ZCCHC17: variants seen among roughly 807,000 people sequenced by gnomAD.
ZCCHC17 encodes zinc finger CCHC-type containing 17.
ZCCHC17 carries 18 observed loss-of-function variants against 30.6 expected under a neutral mutation model. The ratio of observed to expected loss-of-function variants is 0.59; its 90% CI spans 0.41 to 0.87. ZCCHC17 has a LOEUF of 0.87. Among genes scored for constraint, ZCCHC17 ranks in the 40% least tolerant of loss-of-function variants. The pLI, the probability that ZCCHC17 is intolerant of heterozygous loss-of-function variation, is 0.00. For synonymous variants in ZCCHC17, 88 were observed against 92.4 expected, an observed-to-expected ratio of 0.95 and a Z score of 0.27; for missense variants, 263 against 284.2, an observed-to-expected ratio of 0.93 and a Z score of 0.54.
At chr1:31,298,665 C>T (rs1398425488) in intron 1 of ZCCHC17, among the ~76,000 whole-genome samples, 1 of 152,138 alleles carries the variant, frequency 6.6e-6, no homozygotes, top group Non-Finnish European at 1.5e-5. Flanking sequence ...GATTACAGGC[C>T]TGAGCCACTG....
chr1:31,326,001 A>G (rs1464964777), intron 3 of ZCCHC17, among the ~76,000 whole-genome samples: 1 of 152,170 alleles, frequency 6.6e-6, no homozygotes, highest in African/African-American at 2.4e-5. Context: ...TTAAAAAAAA[A>G]AAAAAAGAAA....
intron 7 of ZCCHC17, among the ~76,000 whole-genome samples, chr1:31,353,718 A>G (rs1639547874): frequency 6.6e-6 from 1 of 151,878 alleles, no homozygotes; most frequent in Admixed American, 6.6e-5. Flanking sequence ...TCTAGTTTTT[A>G]AAACACCATA....
At position 31,310,123 on chromosome 1, in the gene ZCCHC17, A is replaced by G. The variant is rs930150111; in HGVS notation, c.25A>G (p.Met9Val). 3.1e-6 allele frequency: 5 copies of G among 1,614,042 alleles called. No homozygotes were observed. Among genetic ancestry groups the G allele is most frequent in the Non-Finnish European group, 3.4e-6 (4 of 1,180,020 alleles). Reference sequence around the variant, plus strand: ...GATGAATTCAGGAAGGCCTGAGACCATGGAAAACTTGCCTGCTCTCTACAC... The same window carrying G: ...GATGAATTCAGGAAGGCCTGAGACCGTGGAAAACTTGCCTGCTCTCTACAC... Reference protein sequence around the residue: MNSGRPETMENLPALYTIF... With the variant: MNSGRPETVENLPALYTIF... The change falls in exon 2 of 8, where the codon ATG becomes GTG. Residue 9 changes from methionine to valine, a missense_variant. Met to Val is a conservative substitution (Grantham distance 21, BLOSUM62 1). Coordinates refer to ENST00000344147, the MANE Select transcript of ZCCHC17 (RefSeq NM_016505.4).
rs566743444 is a variant in ZCCHC17 at position 31,360,390 on chromosome 1, A to T, written c.565-3642A>T. On this transcript the variant is annotated intron_variant, in intron 7 of 7. Transcript: ENST00000344147. The stretch of plus-strand genomic sequence containing the variant: ...CTTCATGTTGGTCAGGCTAGTCTCG[A>T]CCTCCTGACCTCAGGTGATCCACCC... Among the ~76,000 whole-genome samples the T allele has an allele frequency of 1.5e-4, 23 of 152,248 alleles. No homozygotes were observed. The South Asian group carries it at 2.1e-3, about 14-fold the overall frequency.
chr1:31,321,315 C>G (rs555972917), intron 3 of ZCCHC17, among the ~76,000 whole-genome samples: 1 of 152,086 alleles, frequency 6.6e-6, no homozygotes, highest in Non-Finnish European at 1.5e-5. Flanking sequence ...TTCCTGCTGC[C>G]CTGTGAAGAA....
intron 5 of ZCCHC17, among the ~76,000 whole-genome samples, chr1:31,344,861 T>G (rs1005002014): frequency 4.7e-5 from 3 of 64,152 alleles, no homozygotes; most frequent in Non-Finnish European, 1.3e-4. Context: ...GGTTTTTTTT[T>G]GTTGTTTGTT....
At chr1:31,345,032 T>A (rs540223963) in intron 5 of ZCCHC17, among the ~76,000 whole-genome samples, 1 of 151,688 alleles carries the variant, frequency 6.6e-6, no homozygotes, top group South Asian at 2.1e-4. Context: ...CTATTTTTTT[T>A]TTTTTTTTAA....
rs935694297 is a variant in ZCCHC17, at chr1:31,325,591, T to C, written c.124+6425T>C. On this transcript the variant is annotated intron_variant, in intron 3 of 7. Transcript: ENST00000344147. Reference sequence around the variant, plus strand: ...AGTGTGCCTGGCTGTGCACAGTGGCTGGACCCCATGCTCACTCACTCATGC... The same window carrying C: ...AGTGTGCCTGGCTGTGCACAGTGGCCGGACCCCATGCTCACTCACTCATGC... 4.1e-4 allele frequency among the ~76,000 whole-genome samples: 62 copies of C among 152,226 alleles called. 1 individual carries two copies. Among genetic ancestry groups the C allele is most frequent in the Non-Finnish European group, 1.2e-4 (8 of 68,042 alleles).
chr1:31,347,375 C>T (rs1343440573), intron 6 of ZCCHC17, among the ~76,000 whole-genome samples: 1 of 152,136 alleles, frequency 6.6e-6, no homozygotes, highest in African/African-American at 2.4e-5. Flanking sequence ...CCTAGTCTTC[C>T]GTCTACCCTA....
chr1:31,318,015 C>T (rs1327474312), intron 2 of ZCCHC17, among the ~76,000 whole-genome samples: 1 of 152,168 alleles, frequency 6.6e-6, no homozygotes, highest in African/African-American at 2.4e-5. Flanking sequence ...TTTTTGTCAT[C>T]TATTGGATGG....
intron 6 of ZCCHC17, among the ~76,000 whole-genome samples, chr1:31,348,372 T>C (rs970215118): frequency 6.6e-6 from 1 of 152,182 alleles, no homozygotes; most frequent in African/African-American, 2.4e-5. Context: ...TCTCTGTGTG[T>C]TAGCTTAGAT....
chr1:31,347,694 C>T (rs946024289), intron 6 of ZCCHC17, among the ~76,000 whole-genome samples: 3 of 152,142 alleles, frequency 2.0e-5, no homozygotes, highest in African/African-American at 4.8e-5. Context: ...CTCACTGCAT[C>T]TTTGACCTCC....
chr1:31,333,402 A>G (rs2148447273), intron 3 of ZCCHC17, among the ~76,000 whole-genome samples: 1 of 152,258 alleles, frequency 6.6e-6, no homozygotes, highest in South Asian at 2.1e-4. Flanking sequence ...AGGCACCTGT[A>G]ATCGCAGCTA....
At chr1:31,318,170 T>C (rs758781884) in intron 2 of ZCCHC17, 636 of 1,534,374 alleles carry the variant, frequency 4.1e-4, no homozygotes, top group Non-Finnish European at 4.4e-4. Context: ...GTTTTAGTTA[T>C]GGTGAAGCTG....
chr1:31,307,198 C>G (rs1646483583), intron 1 of ZCCHC17, among the ~76,000 whole-genome samples: 1 of 151,306 alleles, frequency 6.6e-6, no homozygotes, highest in Non-Finnish European at 1.5e-5. Context: ...GTCTTGAACT[C>G]CTGGCCTCAA....
intron 3 of ZCCHC17, among the ~76,000 whole-genome samples, chr1:31,335,323 A>T (rs1478178160): frequency 1.3e-5 from 2 of 152,236 alleles, no homozygotes; most frequent in Non-Finnish European, 2.9e-5. Flanking sequence ...AGGATTTTGG[A>T]CAGACAGGAA....
chr1:31,347,970 A>G (rs1470558572), intron 6 of ZCCHC17, among the ~76,000 whole-genome samples: 1 of 151,892 alleles, frequency 6.6e-6, no homozygotes, highest in Non-Finnish European at 1.5e-5. Flanking sequence ...ATCTACCACA[A>G]ACTCAGACAC....
chr1:31,323,331 T>C (rs10914354), intron 3 of ZCCHC17, among the ~76,000 whole-genome samples: 81,966 of 151,320 alleles, frequency 0.54, 23,028 homozygotes, highest in Non-Finnish European at 0.62. Context: ...TTCTTTCTTT[T>C]TTTTTTTTGA....
intron 7 of ZCCHC17, among the ~76,000 whole-genome samples, chr1:31,359,892 T>C (rs1639801251): frequency 6.6e-6 from 1 of 152,216 alleles, no homozygotes; most frequent in Non-Finnish European, 1.5e-5. Flanking sequence ...CCTTCTCACT[T>C]GAATGAAGTT....
Sources: gnomAD v4.1 joint callset for allele counts (sites outside exome capture counted in the v4.1 genomes callset) on GRCh38, gnomAD v4.1.1 for gene constraint, MANE v1.5 for transcripts, NCBI Gene and HGNC (gene_info 2026-07-23, HGNC 2026-07-21) for gene names.